IMMP2L: variants seen among roughly 807,000 people sequenced by gnomAD.
IMMP2L encodes the protein mitochondrial inner membrane protease subunit 2.
A neutral mutation model predicts 19.3 loss-of-function variants in IMMP2L; 18 were observed. The ratio of observed to expected loss-of-function variants is 0.93; its 90% confidence interval spans 0.64 to 1.38. The LOEUF is 1.38. Ranked by LOEUF, IMMP2L falls within the 40% of genes most tolerant of loss-of-function variation. The probability of loss-of-function intolerance (pLI) is 0.00; values close to 1 mark genes in which losing one functional copy is unlikely to be tolerated. For synonymous variants in IMMP2L, 76 were observed against 73.0 expected, an observed-to-expected ratio of 1.04 and a Z score of -0.21; for missense variants, 233 against 218.2, an observed-to-expected ratio of 1.07 and a Z score of -0.43.
chr7:111,006,968 C>T (rs1824354615), intron 3 of IMMP2L, among the ~76,000 whole-genome samples: 1 of 152,126 alleles, frequency 6.6e-6, no homozygotes, highest in African/African-American at 2.4e-5. Flanking sequence ...GACTTCCCCA[C>T]TTTCCCTCCT....
intron 3 of IMMP2L, among the ~76,000 whole-genome samples, chr7:111,011,148 T>G (rs544361113): frequency 6.6e-6 from 1 of 152,056 alleles, no homozygotes; most frequent in Non-Finnish European, 1.5e-5. Context: ...AGAAAAAAAG[T>G]ACCCACTAAA....
intron 5 of IMMP2L, among the ~76,000 whole-genome samples, chr7:110,847,869 T>C (rs28435168): frequency 0.053 from 8,115 of 151,978 alleles, 699 homozygotes; most frequent in African/African-American, 0.18. Flanking sequence ...ATAATAATAA[T>C]AAAAAATCTA....
intron 3 of IMMP2L, among the ~76,000 whole-genome samples, chr7:111,090,174 T>C (rs1204876982): frequency 6.6e-6 from 1 of 152,160 alleles, no homozygotes. Flanking sequence ...TTTTCATGTA[T>C]GTTCTTTCAG....
chr7:110,678,691 T>C (rs1792494564), intron 5 of IMMP2L, among the ~76,000 whole-genome samples: 1 of 152,130 alleles, frequency 6.6e-6, no homozygotes, highest in African/African-American at 2.4e-5. Flanking sequence ...GGTCAAGCCT[T>C]GGAAAGGCTC....
chr7:110,936,870 T>C (rs890696049), intron 4 of IMMP2L, among the ~76,000 whole-genome samples: 3 of 152,102 alleles, frequency 2.0e-5, no homozygotes, highest in Admixed American at 6.5e-5. Context: ...TATGCAGCCA[T>C]GAAAAACATG....
chr7:110,752,810 T>C (rs1213576388), intron 5 of IMMP2L, among the ~76,000 whole-genome samples: 8 of 151,926 alleles, frequency 5.3e-5, no homozygotes, highest in Admixed American at 2.0e-4. Context: ...CAGCGGGAAA[T>C]AGAAGGAAAC....
chr7:111,162,937 G>A (rs555192918), intron 3 of IMMP2L, among the ~76,000 whole-genome samples: 29 of 152,010 alleles, frequency 1.9e-4, no homozygotes, highest in Admixed American at 6.6e-4. Context: ...ACCTTAGAGC[G>A]CCTGCCTGAA....
At chr7:111,124,376 A>C (rs1029179258) in intron 3 of IMMP2L, 5 of 1,613,670 alleles carry the variant, frequency 3.1e-6, no homozygotes, top group Non-Finnish European at 3.4e-6. Flanking sequence ...ATTCAGGCCA[A>C]TTCAGTTTTG....
intron 4 of IMMP2L, among the ~76,000 whole-genome samples, chr7:110,960,557 G>A (rs1818825920): frequency 6.6e-6 from 1 of 151,568 alleles, no homozygotes; most frequent in Admixed American, 6.6e-5. Flanking sequence ...ATACTGTTTT[G>A]CAAATACTAA....
intron 3 of IMMP2L, among the ~76,000 whole-genome samples, chr7:111,041,346 G>T (rs1337696498): frequency 3.3e-5 from 5 of 151,888 alleles, no homozygotes; most frequent in Admixed American, 6.6e-5. Flanking sequence ...TAAATAAAAA[G>T]TCTAAGCATG....
intron 4 of IMMP2L, among the ~76,000 whole-genome samples, chr7:110,933,737 C>T: frequency 6.6e-6 from 1 of 151,992 alleles, no homozygotes; most frequent in East Asian, 1.9e-4. Flanking sequence ...GGCTCTGATC[C>T]CAGAGACTCT....
At chr7:111,214,349 T>TC (rs1811676865) in intron 3 of IMMP2L, among the ~76,000 whole-genome samples, 1 of 132,432 alleles carries the variant, frequency 7.6e-6, no homozygotes, top group Non-Finnish European at 1.6e-5. Context: ...TTTTTTTTTT[T>TC]TTTTTTTTTG....
intron 3 of IMMP2L, among the ~76,000 whole-genome samples, chr7:111,008,247 A>T (rs1824521653): frequency 6.6e-6 from 1 of 151,660 alleles, no homozygotes; most frequent in Admixed American, 6.6e-5. Flanking sequence ...ACATACTATG[A>T]CTCCCCCAAT....
At chr7:111,309,811 T>C (rs1823305173) in intron 3 of IMMP2L, among the ~76,000 whole-genome samples, 1 of 152,178 alleles carries the variant, frequency 6.6e-6, no homozygotes, top group South Asian at 2.1e-4. Flanking sequence ...TAGTACCTGT[T>C]AGAAGTAATG....
At chr7:111,438,228 CAT>C (rs1370483606) in intron 3 of IMMP2L, among the ~76,000 whole-genome samples, 2 of 151,628 alleles carry the variant, frequency 1.3e-5, no homozygotes, top group Non-Finnish European at 2.9e-5. Flanking sequence ...CTATTAGACA[CAT>C]ATCAATTATT....
chr7:110,688,901 CTT>C (rs1793304796), intron 5 of IMMP2L, among the ~76,000 whole-genome samples: 2 of 149,552 alleles, frequency 1.3e-5, no homozygotes, highest in South Asian at 4.1e-4. Context: ...TACACACACA[CTT>C]TTTTTCTATC....
chr7:111,191,104 A>T (rs1029607198), intron 3 of IMMP2L, among the ~76,000 whole-genome samples: 1 of 152,146 alleles, frequency 6.6e-6, no homozygotes, highest in African/African-American at 2.4e-5. Context: ...CTGACTCACA[A>T]CTATTTCCAA....
intron 3 of IMMP2L, among the ~76,000 whole-genome samples, chr7:111,261,193 G>A (rs1457984972): frequency 1.3e-5 from 2 of 152,060 alleles, no homozygotes; most frequent in East Asian, 3.9e-4. Flanking sequence ...ATAGGATAAA[G>A]ATGAACAAGT....
At chr7:111,081,220 G>A (rs140644950) in intron 3 of IMMP2L, among the ~76,000 whole-genome samples, 28 of 152,236 alleles carry the variant, frequency 1.8e-4, no homozygotes, top group Admixed American at 1.5e-3. Flanking sequence ...GGTTGAGGAA[G>A]AAATCTGCAA....
Sources: allele counts gnomAD v4.1 joint callset (sites outside exome capture counted in the v4.1 genomes callset), GRCh38; gene constraint gnomAD v4.1.1; transcripts MANE v1.5; gene names NCBI Gene and HGNC (gene_info 2026-07-23, HGNC 2026-07-21).